YY1AP1: variants seen among roughly 807,000 people sequenced by gnomAD.
The protein encoded by YY1AP1 is YY1 associated protein 1, also known as YY1-associated protein 1.
A neutral mutation model predicts 39.9 loss-of-function variants in YY1AP1; 43 were observed. That is an observed-to-expected ratio of 1.08 (90% CI 0.84 to 1.39). The LOEUF (loss-of-function observed/expected upper bound fraction) is 1.39, where lower values mean the gene tolerates loss of function less well. Among genes scored for constraint, YY1AP1 ranks in the 40% most tolerant of loss-of-function variants. The pLI, the probability that YY1AP1 is intolerant of heterozygous loss-of-function variation, is 0.00. For synonymous variants in YY1AP1, 292 were observed against 331.3 expected (o/e 0.88, Z 1.29); for missense variants, 813 against 900.7 (o/e 0.90, Z 1.25).
intron 9 of YY1AP1, among the ~76,000 whole-genome samples, chr1:155,667,605 C>T (rs1392539474): frequency 6.6e-6 from 1 of 152,146 alleles, no homozygotes; most frequent in Non-Finnish European, 1.5e-5. Context: ...AGATGGATCA[C>T]CTGAGGTCAG....
At chr1:155,661,571 C>G (rs1648153655) in intron 9 of YY1AP1, 148 bp from the exon 10 acceptor site, 2 of 1,502,848 alleles carry the variant, frequency 1.3e-6, no homozygotes, top group African/African-American at 1.4e-5. Flanking sequence ...ACACAAACAT[C>G]CATGAACACA....
In YY1AP1 at chr1:155,688,134, TCCTCCGCTTCCCTGGGTCCACCGCGGATC is replaced by T. The variant is rs1478970670; in HGVS notation, c.-113_-85del. The T allele has an allele frequency of 2.5e-6, 4 of 1,612,648 alleles. No homozygotes were observed. Among genetic ancestry groups the T allele is most frequent in the Non-Finnish European group, 3.4e-6 (4 of 1,179,106 alleles). On this transcript the variant is annotated 5_prime_UTR_variant, in exon 2 of 11. Coordinates refer to ENST00000355499, the MANE Select transcript of YY1AP1 (RefSeq NM_139119.3). ...GAGGAAGAGGGGGTGGCCGCCAGGCTCCTCCGCTTCCCTGGGTCCACCGCGGATCCCTCCCGCTTGTCAGGAGGCGGCCA... is the reference window on the plus strand; with the variant it reads ...GAGGAAGAGGGGGTGGCCGCCAGGCTCCTCCCGCTTGTCAGGAGGCGGCCA...
rs183637133 is a variant in YY1AP1, at chr1:155,669,456, T to C, written c.729-679A>G. On this transcript the variant is annotated intron_variant, in intron 8 of 10. Coordinates refer to ENST00000355499, the MANE Select transcript of YY1AP1 (RefSeq NM_139119.3). ...AGTACTATGAATAAGAATCAAATAG[T>C]TCACAATTAAGTAGGAGCAAGAGAA... 5.9e-5 allele frequency among the ~76,000 whole-genome samples: 9 copies of C among 152,264 alleles called. No homozygotes were observed. The East Asian group carries it at 1.7e-3, about 29-fold the overall frequency.
At chr1:155,684,516 T>A (rs1651950439) in intron 2 of YY1AP1, among the ~76,000 whole-genome samples, 1 of 152,108 alleles carries the variant, frequency 6.6e-6, no homozygotes, top group African/African-American at 2.4e-5. Flanking sequence ...ACTTCTCCAT[T>A]ATCTCACTGA....
chr1:155,679,516 T>C lies in YY1AP1; in HGVS notation c.22-4A>G. ...AGAATCCCATCTCATCTTGGAACTG[T>C]GGGCAAAGGAAAGGGAGGGTTTTCC... On this transcript the variant is annotated splice_polypyrimidine_tract_variant and splice_region_variant and intron_variant, in intron 3 of 10. Coordinates refer to ENST00000355499, the MANE Select transcript of YY1AP1 (RefSeq NM_139119.3). 6.2e-7 allele frequency: 1 copy of C among 1,614,084 alleles called. No homozygotes were observed. The highest frequency in any genetic ancestry group is 1.1e-5 in the South Asian group (1 of 91,074).
rs1220767160 is a variant in YY1AP1 at position 155,659,985 on chromosome 1, G to C, written c.1925C>G (p.Ala642Gly). ...ATTTTCCCCATCAGCCACAGCACAAGCAATGTCCACATTCATGTGGGCCTT... is the reference window on the plus strand; with the variant it reads ...ATTTTCCCCATCAGCCACAGCACAACCAATGTCCACATTCATGTGGGCCTT... ...EDKAHMNVDI[A>G]CAVADGENAF... is the part of the protein sequence containing the mutation. The change falls in exon 11 of 11, where the codon GCT becomes GGT. Residue 642 changes from alanine to glycine, a missense_variant. Physicochemically the swap from Ala to Gly is moderately conservative, Grantham distance 60. Coordinates refer to ENST00000355499, the MANE Select transcript of YY1AP1 (RefSeq NM_139119.3). 3 of 1,614,228 alleles carry C rather than the reference G, an allele frequency of 1.9e-6. No homozygotes were observed. The African/African-American group carries it at 4.0e-5, about 22-fold the overall frequency.
At chr1:155,688,461 C>G in intron 1 of YY1AP1, 198 bp downstream of exon 1, 1 of 1,549,766 alleles carries the variant, frequency 6.5e-7, no homozygotes. Flanking sequence ...CCGACTCCGG[C>G]CATGTAGCGC....
intron 2 of YY1AP1, among the ~76,000 whole-genome samples, chr1:155,681,339 T>C (rs1180222816): frequency 6.6e-6 from 1 of 152,042 alleles, no homozygotes; most frequent in Non-Finnish European, 1.5e-5. Flanking sequence ...CCAATGATTT[T>C]ATAATTAGAT....
intron 9 of YY1AP1, among the ~76,000 whole-genome samples, chr1:155,667,246 C>A (rs950834393): frequency 6.6e-6 from 1 of 151,974 alleles, no homozygotes; most frequent in Non-Finnish European, 1.5e-5. Context: ...CGCCTGTAAT[C>A]CCAACACTCT....
Position 155,688,687 on chromosome 1 carries a change from C to T in YY1AP1, c.-180G>A. 1 of 1,529,598 alleles carries T rather than the reference C, an allele frequency of 6.5e-7. No individual in the cohort carries two copies. 94.8% of individuals were successfully genotyped at this position (1,529,598 alleles called of 1,614,324 possible). On this transcript the variant is annotated 5_prime_UTR_variant, in exon 1 of 11. Transcript: ENST00000355499. ...CAGCGGCGCGAGCCCAAGCCTTCTC[C>T]ACCTCCTCTTCTCTCCTCCCCCTCC...
chr1:155,675,363 T>C (rs977370577), intron 5 of YY1AP1, among the ~76,000 whole-genome samples: 2 of 152,054 alleles, frequency 1.3e-5, no homozygotes, highest in East Asian at 1.9e-4. Context: ...AGTCTCGCAC[T>C]GACTTTTGGG....
chr1:155,685,842 C>G (rs1011992399), intron 2 of YY1AP1, among the ~76,000 whole-genome samples: 11 of 151,964 alleles, frequency 7.2e-5, no homozygotes, highest in Admixed American at 2.6e-4. Flanking sequence ...ACTTGAGGGC[C>G]CAGTGTCTTT....
chr1:155,679,513 C>T lies in YY1AP1; in HGVS notation c.22-1G>A. On this transcript the variant is annotated splice_acceptor_variant, in intron 3 of 10. Coordinates refer to ENST00000355499, the MANE Select transcript of YY1AP1 (RefSeq NM_139119.3). LOFTEE classifies it high-confidence loss of function. Reference sequence around the variant, plus strand: ...TGGAGAATCCCATCTCATCTTGGAACTGTGGGCAAAGGAAAGGGAGGGTTT... The same window carrying T: ...TGGAGAATCCCATCTCATCTTGGAATTGTGGGCAAAGGAAAGGGAGGGTTT... 6.2e-7 allele frequency: 1 copy of T among 1,614,136 alleles called. No homozygotes were observed. Among genetic ancestry groups the T allele is most frequent in the South Asian group, 1.1e-5 (1 of 91,086 alleles).
At chr1:155,660,941 A>G in intron 10 of YY1AP1, 28 bp from the exon 11 acceptor site, 1 of 1,613,844 alleles carries the variant, frequency 6.2e-7, no homozygotes, top group South Asian at 1.1e-5. Flanking sequence ...ACTCTGATCC[A>G]GCACATGTCA....
intron 9 of YY1AP1, among the ~76,000 whole-genome samples, chr1:155,662,942 T>C (rs1390874936): frequency 6.6e-6 from 1 of 151,942 alleles, no homozygotes; most frequent in Non-Finnish European, 1.5e-5. Flanking sequence ...AATTAAGAGG[T>C]TGCAGTGAGC....
rs763116149 is a variant in YY1AP1 at position 155,659,658 on chromosome 1, CAAAG to C, written c.2248_2251del (p.Leu750GlufsTer5). 2 of 1,614,142 alleles carry C rather than the reference CAAAG, an allele frequency of 1.2e-6. No homozygotes were observed. The highest frequency in any genetic ancestry group is 3.3e-5 in the Admixed American group (2 of 60,026). ...TCTCCAGACTCTTATTCTCCTAGCT[CAAAG>C]AAATCCACTGATTTCCTCTGTAGCA... On this transcript the variant is annotated frameshift_variant and stop_lost, in exon 11 of 11. Transcript: ENST00000355499. LOFTEE classifies it high-confidence loss of function.
At chr1:155,661,182 C>T (rs758086183) in intron 10 of YY1AP1, 125 bp downstream of exon 10, 2 of 1,604,564 alleles carry the variant, frequency 1.2e-6, no homozygotes, top group Admixed American at 1.7e-5. Flanking sequence ...AAAGGTGAAT[C>T]AGGAAGATTC....
intron 9 of YY1AP1, among the ~76,000 whole-genome samples, chr1:155,665,271 G>GA (rs1364876980): frequency 6.6e-6 from 1 of 150,996 alleles, no homozygotes; most frequent in African/African-American, 2.4e-5. Flanking sequence ...TTAAAATTCA[G>GA]AAAAAAATTT....
In YY1AP1 at chr1:155,679,518, G is replaced by C; in HGVS notation, c.22-6C>G. ...AATCCCATCTCATCTTGGAACTGTG[G>C]GCAAAGGAAAGGGAGGGTTTTCCTG... On this transcript the variant is annotated splice_polypyrimidine_tract_variant and splice_region_variant and intron_variant, in intron 3 of 10. Transcript: ENST00000355499. 1 of 1,614,092 alleles carries C rather than the reference G, an allele frequency of 6.2e-7. No homozygotes were observed. Among genetic ancestry groups the C allele is most frequent in the Non-Finnish European group, 8.5e-7 (1 of 1,179,998 alleles).
Sources: gnomAD v4.1 joint callset for allele counts (sites outside exome capture counted in the v4.1 genomes callset) on GRCh38, gnomAD v4.1.1 for gene constraint, MANE v1.5 for transcripts, NCBI Gene and HGNC (gene_info 2026-07-23, HGNC 2026-07-21) for gene names.